BMPR1A: variants seen among roughly 807,000 people sequenced by gnomAD.
BMPR1A encodes bone morphogenetic protein receptor type 1A.
In BMPR1A, 7 loss-of-function variants were observed where a neutral mutation model predicts 66.0. The ratio of observed to expected loss-of-function variants is 0.11; its 90% CI spans 0.06 to 0.20. The LOEUF (loss-of-function observed/expected upper bound fraction) is 0.20, where lower values mean the gene tolerates loss of function less well. Among genes scored for constraint, BMPR1A ranks in the 10% least tolerant of loss-of-function variants. The pLI is 1.00. For missense variants in BMPR1A, 408 were observed against 669.1 expected, an observed-to-expected ratio of 0.61 and a Z score of 4.31; for synonymous variants, 200 against 229.7, an observed-to-expected ratio of 0.87 and a Z score of 1.17.
chr10:86,855,141 C>G (rs1327146906), intron 2 of BMPR1A: 1 of 368,222 alleles, frequency 2.7e-6, no homozygotes, highest in Non-Finnish European at 4.9e-6. Flanking sequence ...CATCAGGTCT[C>G]GAACTCCTGA....
chr10:86,812,374 C>T, intron 1 of BMPR1A, among the ~76,000 whole-genome samples: 1 of 152,202 alleles, frequency 6.6e-6, no homozygotes, highest in East Asian at 1.9e-4. Context: ...GGTTGATTAT[C>T]ATTCCATTGG....
intron 11 of BMPR1A, among the ~76,000 whole-genome samples, chr10:86,922,463 G>A (rs1052194487): frequency 1.3e-5 from 2 of 152,142 alleles, no homozygotes; most frequent in South Asian, 2.1e-4. Context: ...TGTCACATAC[G>A]TCAGAGTCCC....
intron 7 of BMPR1A, among the ~76,000 whole-genome samples, chr10:86,906,944 T>A (rs919611680): frequency 2.0e-5 from 3 of 152,104 alleles, no homozygotes; most frequent in African/African-American, 7.2e-5. Context: ...TTTTTTTTTC[T>A]TCACCTGTGT....
At chr10:86,932,139 CATCTT>C (rs1314675223), downstream of BMPR1A, 4 of 152,186 alleles carry the variant, frequency 2.6e-5, no homozygotes, top group African/African-American at 9.6e-5. Flanking sequence ...CACAGAGACT[CATCTT>C]GTAATGTTTG....
intron 2 of BMPR1A, among the ~76,000 whole-genome samples, chr10:86,845,793 C>T (rs1014402510): frequency 2.0e-5 from 3 of 151,930 alleles, no homozygotes; most frequent in African/African-American, 7.3e-5. Context: ...GTCAGGAGAT[C>T]GAGACCATCC....
intron 1 of BMPR1A, among the ~76,000 whole-genome samples, chr10:86,793,517 C>T (rs1841661759): frequency 6.6e-6 from 1 of 151,916 alleles, no homozygotes; most frequent in Non-Finnish European, 1.5e-5. Flanking sequence ...GTGCATGCCA[C>T]CACGCCTAGC....
chr10:86,756,212 C>G (rs943777406), upstream of BMPR1A: 2 of 152,140 alleles, frequency 1.3e-5, no homozygotes, highest in Admixed American at 1.3e-4. Flanking sequence ...CCGCAGCGCC[C>G]GGCAGCCGTG....
At chr10:86,793,705 A>G (rs1001215973) in intron 1 of BMPR1A, among the ~76,000 whole-genome samples, 2 of 152,060 alleles carry the variant, frequency 1.3e-5, no homozygotes, top group Non-Finnish European at 2.9e-5. Context: ...TGTAGTTGGT[A>G]TATTTTCTGT....
intron 1 of BMPR1A, among the ~76,000 whole-genome samples, chr10:86,825,184 G>A (rs750593472): frequency 2.6e-5 from 4 of 151,136 alleles, no homozygotes; most frequent in Non-Finnish European, 4.4e-5. Context: ...GCTCACTGCA[G>A]CCTCAACCTC....
At chr10:86,822,343 G>A (rs1203783933) in intron 1 of BMPR1A, among the ~76,000 whole-genome samples, 3 of 152,024 alleles carry the variant, frequency 2.0e-5, no homozygotes, top group East Asian at 1.9e-4. Context: ...TTTGTTAATG[G>A]TTTGAAACAG....
intron 2 of BMPR1A, among the ~76,000 whole-genome samples, chr10:86,866,415 T>TTTTTTTTTAC (rs1564707637): frequency 7.6e-6 from 1 of 132,262 alleles, no homozygotes; most frequent in African/African-American, 3.0e-5. Context: ...TTTTTTTTTT[T>TTTTTTTTTAC]TTTTTTTTTT....
intron 1 of BMPR1A, among the ~76,000 whole-genome samples, chr10:86,785,685 G>A (rs1240411477): frequency 6.6e-6 from 1 of 152,146 alleles, no homozygotes; most frequent in Non-Finnish European, 1.5e-5. Flanking sequence ...TCCGCTCTCC[G>A]GTGGTTCTGT....
chr10:86,928,762 C>G (rs1246872016), downstream of BMPR1A: 1 of 152,034 alleles, frequency 6.6e-6, no homozygotes, highest in Admixed American at 6.6e-5. Flanking sequence ...TCAAGTGATT[C>G]TCCTGCCTCA....
intron 1 of BMPR1A, among the ~76,000 whole-genome samples, chr10:86,810,111 C>T (rs552601870): frequency 1.1e-3 from 169 of 152,062 alleles, no homozygotes; most frequent in African/African-American, 4.0e-3. Flanking sequence ...GCTGAGATTA[C>T]AGGCGCCCAC....
intron 3 of BMPR1A, among the ~76,000 whole-genome samples, chr10:86,883,546 T>A (rs1843022656): frequency 2.6e-5 from 2 of 77,730 alleles, no homozygotes; most frequent in South Asian, 9.2e-4. Context: ...CGAGACTCCG[T>A]CTCAAAAAAA....
intron 1 of BMPR1A, among the ~76,000 whole-genome samples, chr10:86,799,506 C>CTTCCTTCCT (rs1354339570): frequency 1.4e-4 from 9 of 64,478 alleles, no homozygotes; most frequent in African/African-American, 3.8e-4. Context: ...TCCTTCCTTC[C>CTTCCTTCCT]TTTCTTTTCT....
At chr10:86,814,312 A>G (rs976186365) in intron 1 of BMPR1A, among the ~76,000 whole-genome samples, 2 of 151,998 alleles carry the variant, frequency 1.3e-5, no homozygotes. Flanking sequence ...TTTGGCAAAA[A>G]TTTCTTGGAT....
At chr10:86,803,690 A>T (rs149117327) in intron 1 of BMPR1A, among the ~76,000 whole-genome samples, 1 of 152,196 alleles carries the variant, frequency 6.6e-6, no homozygotes, top group African/African-American at 2.4e-5. Flanking sequence ...TGACAGTGGA[A>T]TCACACTGTT....
upstream of BMPR1A, chr10:86,756,092 C>G (rs1387307258): frequency 6.6e-6 from 1 of 152,316 alleles, no homozygotes; most frequent in African/African-American, 2.4e-5. Context: ...AGCTGACTGG[C>G]GTTCACCGCA....
Sources: allele counts gnomAD v4.1 joint callset (sites outside exome capture counted in the v4.1 genomes callset), GRCh38; gene constraint gnomAD v4.1.1; transcripts MANE v1.5; gene names NCBI Gene and HGNC (gene_info 2026-07-23, HGNC 2026-07-21).